VWC2L: variants seen among roughly 807,000 people sequenced by gnomAD.
The protein encoded by VWC2L is von Willebrand factor C domain containing 2 like.
In VWC2L, 10 loss-of-function variants were observed where a neutral mutation model predicts 21.6. The ratio of observed to expected loss-of-function variants is 0.46; its 90% CI spans 0.29 to 0.78. The LOEUF is 0.78. Among genes scored for constraint, VWC2L ranks in the 30% least tolerant of loss-of-function variants. The probability of loss-of-function intolerance (pLI) is 0.10; values close to 1 mark genes in which losing one functional copy is unlikely to be tolerated. For missense variants in VWC2L, 209 were observed against 277.1 expected (o/e 0.75, Z 1.74); for synonymous variants, 96 against 94.3 (o/e 1.02, Z -0.10).
At chr2:214,452,632 G>A (rs566337110) in intron 3 of VWC2L, among the ~76,000 whole-genome samples, 3 of 152,108 alleles carry the variant, frequency 2.0e-5, no homozygotes, top group African/African-American at 7.2e-5. Flanking sequence ...TAGATCATAT[G>A]GTAGATGTAT....
At chr2:214,496,005 A>C (rs960933325) in intron 3 of VWC2L, among the ~76,000 whole-genome samples, 1 of 152,106 alleles carries the variant, frequency 6.6e-6, no homozygotes, top group African/African-American at 2.4e-5. Flanking sequence ...TCGCTGTGTG[A>C]ACATCATGGA....
intron 3 of VWC2L, among the ~76,000 whole-genome samples, chr2:214,551,225 G>A (rs1298114083): frequency 6.6e-6 from 1 of 152,198 alleles, no homozygotes; most frequent in Non-Finnish European, 1.5e-5. Context: ...CATGCTGCAA[G>A]TATAAATTCT....
At chr2:214,446,564 A>G (rs1433590863) in intron 3 of VWC2L, among the ~76,000 whole-genome samples, 1 of 152,200 alleles carries the variant, frequency 6.6e-6, no homozygotes, top group Non-Finnish European at 1.5e-5. Context: ...CGCTTCTAGA[A>G]TTATTAGGGC....
intron 3 of VWC2L, among the ~76,000 whole-genome samples, chr2:214,452,987 CAT>C (rs1183488444): frequency 6.6e-6 from 1 of 152,154 alleles, no homozygotes. Context: ...CTTTATGAGA[CAT>C]ATGCTTTGCA....
intron 3 of VWC2L, among the ~76,000 whole-genome samples, chr2:214,463,023 T>A (rs1703164246): frequency 6.6e-6 from 1 of 152,186 alleles, no homozygotes; most frequent in South Asian, 2.1e-4. Flanking sequence ...TATTGAAACA[T>A]GTTTTACGGC....
At chr2:214,480,320 T>C (rs1688585144) in intron 3 of VWC2L, among the ~76,000 whole-genome samples, 3 of 152,228 alleles carry the variant, frequency 2.0e-5, no homozygotes, top group Non-Finnish European at 4.4e-5. Flanking sequence ...GTTTGTGATA[T>C]GTTTTAAAGT....
chr2:214,562,788 C>T (rs143359432), intron 3 of VWC2L, among the ~76,000 whole-genome samples: 6,577 of 152,172 alleles, frequency 0.043, 493 homozygotes, highest in African/African-American at 0.15. Flanking sequence ...TGTCTGTTCA[C>T]GTCCTTTGCC....
At chr2:214,491,884 C>T (rs1688750006) in intron 3 of VWC2L, among the ~76,000 whole-genome samples, 1 of 152,182 alleles carries the variant, frequency 6.6e-6, no homozygotes, top group African/African-American at 2.4e-5. Context: ...AAACATTCTT[C>T]TCCCCCTTTT....
intron 3 of VWC2L, among the ~76,000 whole-genome samples, chr2:214,551,759 T>C (rs965926241): frequency 2.1e-4 from 32 of 152,316 alleles, no homozygotes; most frequent in South Asian, 8.3e-4. Flanking sequence ...ATACCAGCCT[T>C]TGGCTGTTGA....
chr2:214,578,527 C>T lies in VWC2L; in HGVS notation c.*2707C>T, dbSNP rs1470192160. 1.3e-5 allele frequency: 2 copies of T among 152,108 alleles called. No homozygotes were observed. Among genetic ancestry groups the T allele is most frequent in the African/African-American group, 4.8e-5 (2 of 41,416 alleles). The allele number at this position is 152,108 out of a possible 1,614,324, so 9.4% of individuals were successfully genotyped here. On this transcript the variant is annotated 3_prime_UTR_variant, in exon 4 of 4. Coordinates refer to ENST00000312504, the MANE Select transcript of VWC2L (RefSeq NM_001080500.4). ...ATTTTGTAGCACTGACATTTTTCCC[C>T]CTTTAGGGAGAGATGAACCTATACT...
intron 3 of VWC2L, among the ~76,000 whole-genome samples, chr2:214,549,736 G>A (rs1417034482): frequency 6.6e-6 from 1 of 152,234 alleles, no homozygotes; most frequent in Non-Finnish European, 1.5e-5. Context: ...TCGTGCCACT[G>A]CACTCCAGCC....
chr2:214,455,901 T>C lies in VWC2L; in HGVS notation c.520+19143T>C, dbSNP rs180713268. Among the ~76,000 whole-genome samples the C allele has an allele frequency of 1.9e-4, 29 of 152,298 alleles. No homozygotes were observed. The East Asian group carries it at 5.2e-3, about 27-fold the overall frequency. On this transcript the variant is annotated intron_variant, in intron 3 of 3. Coordinates refer to ENST00000312504, the MANE Select transcript of VWC2L (RefSeq NM_001080500.4). The stretch of plus-strand genomic sequence containing the variant: ...ATTTTTTTTATATCTGAATAGTATT[T>C]CATTGTGTACAGATACCACATTTTC...
At chr2:214,480,982 A>G (rs61139661) in intron 3 of VWC2L, among the ~76,000 whole-genome samples, 12 of 151,648 alleles carry the variant, frequency 7.9e-5, no homozygotes, top group Non-Finnish European at 1.8e-4. Flanking sequence ...GTTTACTATT[A>G]TAACCTAAAG....
intron 3 of VWC2L, among the ~76,000 whole-genome samples, chr2:214,486,271 G>A (rs1189324376): frequency 6.6e-6 from 1 of 152,152 alleles, no homozygotes; most frequent in African/African-American, 2.4e-5. Flanking sequence ...GTCAATCAAT[G>A]GCAAAGCAGG....
chr2:214,478,114 TCTC>T (rs1490447886), intron 3 of VWC2L, among the ~76,000 whole-genome samples: 1 of 152,186 alleles, frequency 6.6e-6, no homozygotes, highest in East Asian at 1.9e-4. Context: ...ATGTCAAATT[TCTC>T]CTCCAGCTTC....
At chr2:214,514,018 C>T (rs1338540938) in intron 3 of VWC2L, among the ~76,000 whole-genome samples, 1 of 152,062 alleles carries the variant, frequency 6.6e-6, no homozygotes, top group Admixed American at 6.5e-5. Context: ...GTATCTTTGG[C>T]TTGGGGTTTT....
intron 2 of VWC2L, chr2:214,414,916 G>A (rs1297024142): frequency 1.1e-5 from 3 of 268,076 alleles, no homozygotes. Context: ...TAGTGTATGT[G>A]TCTCCTAAAT....
intron 3 of VWC2L, among the ~76,000 whole-genome samples, chr2:214,445,981 T>C (rs1314407707): frequency 6.6e-6 from 1 of 152,206 alleles, no homozygotes. Flanking sequence ...TTGACCATTT[T>C]ATGCATCTAT....
In VWC2L at chr2:214,414,166, G is replaced by A. The variant is rs780217582; in HGVS notation, c.-28G>A. On this transcript the variant is annotated 5_prime_UTR_variant, in exon 2 of 4. Transcript: ENST00000312504. ...GAGCTGAGTATATTTAATATTAGGA[G>A]CACATCCAGAAGTCTTTGAAGAGGG... 11 of 1,586,592 alleles carry A rather than the reference G, an allele frequency of 6.9e-6. No individual in the cohort carries two copies. In the African/African-American group the frequency reaches 1.2e-4, roughly 18 times the overall value.
Sources: gnomAD v4.1 joint callset for allele counts (sites outside exome capture counted in the v4.1 genomes callset) on GRCh38, gnomAD v4.1.1 for gene constraint, MANE v1.5 for transcripts, NCBI Gene and HGNC (gene_info 2026-07-23, HGNC 2026-07-21) for gene names.